The following GLI2 variants were observed in gnomAD, a reference collection of about 807,000 sequenced individuals.
GLI2 encodes GLI family zinc finger 2.
A neutral mutation model predicts 78.9 loss-of-function variants in GLI2; 22 were observed. The ratio of observed to expected loss-of-function variants is 0.28; its 90% CI spans 0.20 to 0.40. GLI2 has a LOEUF of 0.40. Ranked by LOEUF, GLI2 falls within the 10% of genes least tolerant of loss-of-function variation. The probability of loss-of-function intolerance (pLI) is 1.00; values close to 1 mark genes in which losing one functional copy is unlikely to be tolerated. For synonymous variants in GLI2, 974 were observed against 963.7 expected, an observed-to-expected ratio of 1.01 and a Z score of -0.20; for missense variants, 2,097 against 2,213.2, an observed-to-expected ratio of 0.95 and a Z score of 1.05.
intron 4 of GLI2, 99 bp downstream of exon 4, chr2:120,951,544 C>A: frequency 1.3e-6 from 1 of 751,714 alleles, no homozygotes. Flanking sequence ...CAGCCTTGGT[C>A]CCCTTGAATG....
At chr2:120,912,623 G>A (rs1285503168) in intron 2 of GLI2, among the ~76,000 whole-genome samples, 3 of 152,150 alleles carry the variant, frequency 2.0e-5, no homozygotes, top group Admixed American at 2.0e-4. Flanking sequence ...AGAATCACAC[G>A]GGCAGGGAGC....
At chr2:120,746,964 TTGTC>T (rs1682712768) in intron 1 of GLI2, among the ~76,000 whole-genome samples, 1 of 152,250 alleles carries the variant, frequency 6.6e-6, no homozygotes, top group Non-Finnish European at 1.5e-5. Flanking sequence ...TAATATCCCT[TTGTC>T]TGCCTCTCTC....
At chr2:120,745,393 C>A (rs1004190454) in intron 1 of GLI2, among the ~76,000 whole-genome samples, 5 of 152,140 alleles carry the variant, frequency 3.3e-5, no homozygotes, top group African/African-American at 1.2e-4. Flanking sequence ...CTTGTGGACA[C>A]CTTTATGGTC....
intron 2 of GLI2, among the ~76,000 whole-genome samples, chr2:120,891,214 CG>C (rs1677663699): frequency 6.6e-6 from 1 of 151,974 alleles, no homozygotes; most frequent in Admixed American, 6.6e-5. Flanking sequence ...GTGCACTGGG[CG>C]GGGTGTCTGG....
intron 1 of GLI2, among the ~76,000 whole-genome samples, chr2:120,751,336 G>A (rs114884446): frequency 0.015 from 2,194 of 151,148 alleles, 40 homozygotes; most frequent in African/African-American, 0.051. Context: ...CCTTTCCACC[G>A]TTCTCCCCTT....
Position 120,989,890 on chromosome 2 carries a change from C to T in GLI2, c.3925C>T (p.His1309Tyr), listed in dbSNP as rs1367371040. ...HPVQSYPQQSHHLAASMSQEG... is the reference protein window; with the variant it reads ...HPVQSYPQQSYHLAASMSQEG... Reference sequence around the variant, plus strand: ...AGTCCAGAGCTACCCACAGCAGAGCCATCACCTGGCAGCCTCCATGAGCCA... The same window carrying T: ...AGTCCAGAGCTACCCACAGCAGAGCTATCACCTGGCAGCCTCCATGAGCCA... The change falls in exon 14 of 14, where the codon CAT becomes TAT. Residue 1309 changes from histidine (H) to tyrosine (Y), a missense_variant. Physicochemically the swap from His to Tyr is moderately conservative, Grantham distance 83. Coordinates refer to ENST00000361492, the MANE Select transcript of GLI2 (RefSeq NM_001374353.1). The T allele has an allele frequency of 1.2e-6, 2 of 1,613,044 alleles. No homozygotes were observed. The highest frequency in any genetic ancestry group is 1.1e-5 in the South Asian group (1 of 91,070).
At chr2:120,876,157 C>A (rs1159402052) in intron 2 of GLI2, among the ~76,000 whole-genome samples, 1 of 152,042 alleles carries the variant, frequency 6.6e-6, no homozygotes, top group Non-Finnish European at 1.5e-5. Flanking sequence ...CTGGCTAACG[C>A]GGTGAAACCC....
At chr2:120,821,348 G>A (rs1385899758) in intron 2 of GLI2, among the ~76,000 whole-genome samples, 1 of 152,200 alleles carries the variant, frequency 6.6e-6, no homozygotes, top group Non-Finnish European at 1.5e-5. Flanking sequence ...TTAGGGATGG[G>A]CCCATGGCTC....
In GLI2 at chr2:120,897,270, C is replaced by A. The variant is rs1246963159; in HGVS notation, c.149-30091C>A. On this transcript the variant is annotated intron_variant, in intron 2 of 13. Transcript: ENST00000361492. ...ATTCCATCCTTTGAGTCCTAAACCT[C>A]TGAAACAGCATGGGCCCCTGCTCCC... 5.3e-5 allele frequency among the ~76,000 whole-genome samples: 8 copies of A among 152,240 alleles called. No individual in the cohort carries two copies. The East Asian group carries it at 1.5e-3, about 29-fold the overall frequency.
intron 1 of GLI2, among the ~76,000 whole-genome samples, chr2:120,784,827 C>G (rs1428590361): frequency 2.6e-5 from 4 of 152,154 alleles, no homozygotes; most frequent in Non-Finnish European, 1.5e-5. Flanking sequence ...GGTAGCCCCC[C>G]AGAGCTTATC....
chr2:120,824,278 G>A (rs548572283), intron 2 of GLI2, among the ~76,000 whole-genome samples: 1 of 152,190 alleles, frequency 6.6e-6, no homozygotes, highest in Non-Finnish European at 1.5e-5. Flanking sequence ...GGAGGAAGAG[G>A]GAGGCAGCAA....
At chr2:120,741,819 C>A (rs937478022) in intron 1 of GLI2, among the ~76,000 whole-genome samples, 4 of 152,150 alleles carry the variant, frequency 2.6e-5, no homozygotes, top group African/African-American at 4.8e-5. Context: ...CAAACAATGG[C>A]CACATTGTCG....
intron 2 of GLI2, among the ~76,000 whole-genome samples, chr2:120,855,202 C>T (rs1558835918): frequency 6.6e-6 from 1 of 152,210 alleles, no homozygotes; most frequent in East Asian, 1.9e-4. Flanking sequence ...GGAGTTTGTG[C>T]AGACAGCTCC....
chr2:120,884,945 C>T (rs865844153), intron 2 of GLI2, among the ~76,000 whole-genome samples: 2 of 152,162 alleles, frequency 1.3e-5, no homozygotes, highest in Non-Finnish European at 2.9e-5. Flanking sequence ...CATCATCAGC[C>T]GGCCTCACTC....
At chr2:120,867,959 G>C (rs1051020201) in intron 2 of GLI2, among the ~76,000 whole-genome samples, 4 of 152,218 alleles carry the variant, frequency 2.6e-5, no homozygotes, top group Admixed American at 1.3e-4. Flanking sequence ...ACCCAGGCGA[G>C]CGTGCCAGGG....
chr2:120,805,839 T>TGTCA (rs1484558312), intron 2 of GLI2, among the ~76,000 whole-genome samples: 1 of 152,264 alleles, frequency 6.6e-6, no homozygotes, highest in East Asian at 1.9e-4. Context: ...ATTACTTTGA[T>TGTCA]GTCAGTGCAT....
intron 2 of GLI2, among the ~76,000 whole-genome samples, chr2:120,835,040 T>G (rs542947584): frequency 1.3e-5 from 2 of 152,238 alleles, no homozygotes; most frequent in South Asian, 4.2e-4. Flanking sequence ...ACATTACTAT[T>G]TTGATAAATT....
At chr2:120,851,593 T>C (rs1299614065) in intron 2 of GLI2, among the ~76,000 whole-genome samples, 1 of 152,222 alleles carries the variant, frequency 6.6e-6, no homozygotes, top group African/African-American at 2.4e-5. Flanking sequence ...TGGCTGGTAC[T>C]GAACTGGAGT....
chr2:120,902,190 C>T (rs1678296151), intron 2 of GLI2, among the ~76,000 whole-genome samples: 2 of 148,646 alleles, frequency 1.3e-5, no homozygotes, highest in Middle Eastern at 3.4e-3. Context: ...CACCCACCCC[C>T]CCCCACCCCC....
Sources: gnomAD v4.1 joint callset for allele counts (sites outside exome capture counted in the v4.1 genomes callset) on GRCh38, gnomAD v4.1.1 for gene constraint, MANE v1.5 for transcripts, NCBI Gene and HGNC (gene_info 2026-07-23, HGNC 2026-07-21) for gene names.